Variants in CENPE observed in about 807,000 individuals in gnomAD.
The protein encoded by CENPE is centromere protein E, also known as centromere-associated protein E.
In CENPE, 145 loss-of-function variants were observed where a neutral mutation model predicts 336.1. The observed-to-expected ratio is 0.43, with a 90% confidence interval of 0.38 to 0.50. The LOEUF is 0.50. Ranked by LOEUF, CENPE falls within the 20% of genes least tolerant of loss-of-function variation. The pLI, the probability that CENPE is intolerant of heterozygous loss-of-function variation, is 0.00. For synonymous variants in CENPE, 1,013 were observed against 984.8 expected (o/e 1.03, Z -0.54); for missense variants, 2,719 against 3,023.3 (o/e 0.90, Z 2.36).
chr4:103,141,666 T>G (rs1752572258), intron 35 of CENPE, 84 bp downstream of exon 35: 1 of 915,510 alleles, frequency 1.1e-6, no homozygotes, highest in Non-Finnish European at 1.7e-6. Flanking sequence ...TGTTTTCCAG[T>G]GTGGTTGAAC....
chr4:103,194,862 C>A (rs1757623075), intron 5 of CENPE, among the ~76,000 whole-genome samples, 178 bp from the exon 6 acceptor site: 1 of 151,918 alleles, frequency 6.6e-6, no homozygotes, highest in Non-Finnish European at 1.5e-5. Context: ...ATTTCACATA[C>A]CAAAGCACAA....
intron 8 of CENPE, among the ~76,000 whole-genome samples, chr4:103,189,353 G>C (rs1335932362): frequency 1.3e-5 from 2 of 152,088 alleles, no homozygotes; most frequent in Non-Finnish European, 2.9e-5. Flanking sequence ...GAGAATTTCA[G>C]ACCAATACCC....
intron 26 of CENPE, 100 bp from the exon 27 acceptor site, chr4:103,149,508 G>T (rs1360933189): frequency 5.0e-6 from 5 of 1,000,772 alleles, no homozygotes; most frequent in Admixed American, 5.9e-5. Flanking sequence ...ATATAAATAG[G>T]TAAGTAGCAT....
chr4:103,106,521 A>G (rs566157637), intron 48 of CENPE, among the ~76,000 whole-genome samples: 2 of 152,344 alleles, frequency 1.3e-5, no homozygotes, highest in East Asian at 3.9e-4. Context: ...AAAATGAACT[A>G]TTAGACAAAC....
At chr4:103,134,234 A>G (rs923403967) in intron 40 of CENPE, among the ~76,000 whole-genome samples, 3 of 152,136 alleles carry the variant, frequency 2.0e-5, no homozygotes, top group Non-Finnish European at 4.4e-5. Flanking sequence ...GGCTAATTAC[A>G]TTACCAATCA....
intron 27 of CENPE, 27 bp from the exon 28 acceptor site, chr4:103,149,026 T>C (rs755825000): frequency 6.2e-7 from 1 of 1,603,762 alleles, no homozygotes; most frequent in Non-Finnish European, 8.5e-7. Flanking sequence ...TAAAGAATAT[T>C]GTAATATTCT....
At chr4:103,174,639 T>C in intron 16 of CENPE, 97 bp downstream of exon 16, 1 of 870,084 alleles carries the variant, frequency 1.1e-6, no homozygotes, top group Non-Finnish European at 1.7e-6. Context: ...TATCTGTACA[T>C]TTAAAAAAAA....
Position 103,147,452 on chromosome 4 carries a change from A to G in CENPE, c.4038T>C (p.Ser1346=), listed in dbSNP as rs750635995. 6.2e-6 allele frequency: 10 copies of G among 1,613,880 alleles called. No individual in the cohort carries two copies. The African/African-American group carries it at 1.2e-4, about 19-fold the overall frequency. Residue 1346 remains serine (S), a synonymous_variant, in exon 29 of 49, where the codon TCT becomes TCC. Transcript: ENST00000265148. ...KFQESQEEIK[S]LTKERDNLKT... ...TAAGGTTGTCTCTTTCCTTGGTTAG[A>G]GATTTTATCTCTTCCTGACTTTCTT...
chr4:103,162,309 G>C (rs1339976488), intron 18 of CENPE, among the ~76,000 whole-genome samples: 1 of 151,462 alleles, frequency 6.6e-6, no homozygotes, highest in Non-Finnish European at 1.5e-5. Flanking sequence ...GCTAGAAACT[G>C]TTATCATAAA....
At chr4:103,123,550 T>C (rs1471084221) in intron 42 of CENPE, among the ~76,000 whole-genome samples, 1 of 152,126 alleles carries the variant, frequency 6.6e-6, no homozygotes, top group Non-Finnish European at 1.5e-5. Context: ...AATCATATAT[T>C]GAGGTTGCTA....
intron 16 of CENPE, among the ~76,000 whole-genome samples, chr4:103,165,268 C>G (rs1411610971): frequency 3.3e-5 from 5 of 152,106 alleles, no homozygotes; most frequent in African/African-American, 1.2e-4. Flanking sequence ...AAATATTTAA[C>G]TTACATCTCC....
intron 42 of CENPE, among the ~76,000 whole-genome samples, chr4:103,124,814 A>T (rs1484785291): frequency 6.6e-6 from 1 of 152,142 alleles, no homozygotes; most frequent in Non-Finnish European, 1.5e-5. Flanking sequence ...TCATTCTACC[A>T]GATCTTAAAT....
intron 11 of CENPE, chr4:103,181,972 A>C (rs1391363491): frequency 1.3e-5 from 2 of 152,694 alleles, no homozygotes; most frequent in African/African-American, 4.8e-5. Flanking sequence ...TGTTTCTCAG[A>C]GTATAAGTAC....
chr4:103,140,462 T>A, intron 36 of CENPE, 48 bp from the exon 37 acceptor site: 1 of 1,257,828 alleles, frequency 8.0e-7, no homozygotes, highest in Non-Finnish European at 1.1e-6. Flanking sequence ...AAAGGCACGT[T>A]ACCTTTACTT....
intron 16 of CENPE, among the ~76,000 whole-genome samples, chr4:103,174,077 C>T (rs776762833): frequency 2.0e-5 from 3 of 151,500 alleles, no homozygotes; most frequent in Non-Finnish European, 3.0e-5. Flanking sequence ...CTTTCCACAA[C>T]AGCCAAGATA....
At chr4:103,165,274 T>C (rs1028322542) in intron 16 of CENPE, among the ~76,000 whole-genome samples, 2 of 152,138 alleles carry the variant, frequency 1.3e-5, no homozygotes, top group Non-Finnish European at 2.9e-5. Flanking sequence ...TTAACTTACA[T>C]CTCCAAGTAG....
chr4:103,169,353 G>A (rs1459962431), intron 16 of CENPE, among the ~76,000 whole-genome samples: 1 of 151,754 alleles, frequency 6.6e-6, no homozygotes, highest in African/African-American at 2.4e-5. Context: ...GGGACAGAAA[G>A]CTTATTTAAA....
rs7664021 is a variant in CENPE at position 103,140,194 on chromosome 4, T to C, written c.5913+62A>G. The C allele has an allele frequency of 0.18, 266,226 of 1,500,336 alleles. 25,067 individuals are homozygous for C. Among genetic ancestry groups the C allele is most frequent in the South Asian group, 0.3 (22,745 of 76,614 alleles). The allele number at this position is 1,500,336 out of a possible 1,614,324, so 92.9% of individuals were successfully genotyped here. ...ATCTACATATCTGTATCTATATCTT[T>C]TTAATTCCACAAATAATTTTGGGCA... On this transcript the variant is annotated intron_variant, in intron 37 of 48. Coordinates refer to ENST00000265148, the MANE Select transcript of CENPE (RefSeq NM_001813.3).
At chr4:103,132,967 T>TATATATATATATATATATATATATATA (rs1553926673) in intron 41 of CENPE, 71 bp from the exon 42 acceptor site, 4 of 184,608 alleles carry the variant, frequency 2.2e-5, no homozygotes, top group Non-Finnish European at 4.2e-5. Context: ...TATTTATATA[T>TATATATATATATATATATATATATATA]ATATATATAT....
Sources: allele counts gnomAD v4.1 joint callset (sites outside exome capture counted in the v4.1 genomes callset), GRCh38; gene constraint gnomAD v4.1.1; transcripts MANE v1.5; gene names NCBI Gene and HGNC (gene_info 2026-07-23, HGNC 2026-07-21).